SGPP1: variants seen among roughly 807,000 people sequenced by gnomAD.
SGPP1 encodes the protein hSPP1.
Under a neutral mutation model 33.0 loss-of-function variants are expected in SGPP1, and 21 were observed. The ratio of observed to expected loss-of-function variants is 0.64; its 90% CI spans 0.45 to 0.92. SGPP1 has a LOEUF of 0.92. Ranked by LOEUF, SGPP1 falls within the 40% of genes least tolerant of loss-of-function variation. The pLI, the probability that SGPP1 is intolerant of heterozygous loss-of-function variation, is 0.00. For synonymous variants in SGPP1, 239 were observed against 241.2 expected (o/e 0.99, Z 0.08); for missense variants, 543 against 589.4 (o/e 0.92, Z 0.81).
chr14:63,699,020 C>T (rs1241302841), intron 1 of SGPP1, among the ~76,000 whole-genome samples: 2 of 152,122 alleles, frequency 1.3e-5, no homozygotes, highest in Non-Finnish European at 2.9e-5. Flanking sequence ...TGGAATAGTA[C>T]CTGAATCTGG....
At chr14:63,688,751 T>A (rs2139624989) in intron 2 of SGPP1, among the ~76,000 whole-genome samples, 1 of 149,370 alleles carries the variant, frequency 6.7e-6, no homozygotes, top group South Asian at 2.1e-4. Flanking sequence ...AGATGGAGTC[T>A]CGCTCTGTTG....
At chr14:63,695,795 T>C (rs1287123868) in intron 2 of SGPP1, among the ~76,000 whole-genome samples, 2 of 152,094 alleles carry the variant, frequency 1.3e-5, no homozygotes, top group Non-Finnish European at 2.9e-5. Flanking sequence ...TTTGTAGTCC[T>C]AGACACCCGG....
At chr14:63,702,033 A>C (rs1453937032) in intron 1 of SGPP1, among the ~76,000 whole-genome samples, 1 of 152,158 alleles carries the variant, frequency 6.6e-6, no homozygotes, top group African/African-American at 2.4e-5. Context: ...AGAAATGTAC[A>C]AAATTACTGA....
chr14:63,701,548 G>A (rs773442354), intron 1 of SGPP1, among the ~76,000 whole-genome samples: 23 of 152,018 alleles, frequency 1.5e-4, no homozygotes, highest in Non-Finnish European at 2.6e-4. Flanking sequence ...CTAGGCAGGC[G>A]AATCAGTGAG....
intron 1 of SGPP1, among the ~76,000 whole-genome samples, chr14:63,720,754 A>T (rs1216655684): frequency 1.3e-5 from 2 of 151,726 alleles, no homozygotes; most frequent in African/African-American, 4.8e-5. Flanking sequence ...AACAAGAGCA[A>T]AACTCCGTCT....
intron 2 of SGPP1, among the ~76,000 whole-genome samples, chr14:63,694,493 A>C (rs1016395029): frequency 6.6e-6 from 1 of 152,154 alleles, no homozygotes; most frequent in Admixed American, 6.5e-5. Context: ...AAAAAAACAA[A>C]ACAAAACTTA....
At position 63,684,249 on chromosome 14, in the gene SGPP1, C is replaced by T. The variant is rs1019461036; in HGVS notation, c.*1856G>A. 6.6e-6 allele frequency: 1 copy of T among 152,064 alleles called. No homozygotes were observed. Among genetic ancestry groups the T allele is most frequent in the African/African-American group, 2.4e-5 (1 of 41,436 alleles). 9.4% of individuals were successfully genotyped at this position (152,064 alleles called of 1,614,324 possible). ...TCAATTTGGCTTTTATTTTAAAATA[C>T]ATTTAGCATAGAACTGTCATAGGAC... On this transcript the variant is annotated 3_prime_UTR_variant, in exon 3 of 3. Coordinates refer to ENST00000247225, the MANE Select transcript of SGPP1 (RefSeq NM_030791.4).
At chr14:63,719,212 A>G (rs1885718329) in intron 1 of SGPP1, among the ~76,000 whole-genome samples, 1 of 150,144 alleles carries the variant, frequency 6.7e-6, no homozygotes. Flanking sequence ...TTTTTAGTAG[A>G]GACAGGGCTT....
At chr14:63,721,387 T>A (rs979550391) in intron 1 of SGPP1, among the ~76,000 whole-genome samples, 1 of 151,602 alleles carries the variant, frequency 6.6e-6, no homozygotes, top group Non-Finnish European at 1.5e-5. Context: ...GAGGTTGTAG[T>A]GAGCCACGAT....
chr14:63,695,575 C>A (rs774712461), intron 2 of SGPP1, among the ~76,000 whole-genome samples: 1 of 152,042 alleles, frequency 6.6e-6, no homozygotes, highest in Non-Finnish European at 1.5e-5. Flanking sequence ...TATAGATAAA[C>A]AATAACAAAC....
intron 1 of SGPP1, among the ~76,000 whole-genome samples, chr14:63,701,857 G>A (rs1885305324): frequency 6.8e-6 from 1 of 146,872 alleles, no homozygotes; most frequent in African/African-American, 2.6e-5. Flanking sequence ...CTACAGCAGG[G>A]ACTTGACCTT....
chr14:63,727,858 C>A lies in SGPP1; in HGVS notation c.87G>T (p.Val29=). Residue 29 remains valine (V), a synonymous_variant, in exon 1 of 3, where the codon GTG becomes GTT. Coordinates refer to ENST00000247225, the MANE Select transcript of SGPP1 (RefSeq NM_030791.4). ...CTGCTGAGCGGCGCGGCGGCGCTTC[C>A]ACCCCGCACAGCCGCTGGAAACGGG... ...KVARFQRLCG[V]EAPPRRSADR... is the part of the protein sequence containing the mutation. 3 of 1,520,328 alleles carry A rather than the reference C, an allele frequency of 2.0e-6. No individual in the cohort carries two copies. The highest frequency in any genetic ancestry group is 1.2e-5 in the South Asian group (1 of 83,200). 94.2% of individuals were successfully genotyped at this position (1,520,328 alleles called of 1,614,324 possible).
At chr14:63,708,341 C>T (rs1018599744) in intron 1 of SGPP1, among the ~76,000 whole-genome samples, 8 of 150,288 alleles carry the variant, frequency 5.3e-5, no homozygotes, top group South Asian at 4.2e-4. Flanking sequence ...CTGCAACCTC[C>T]GCCTCCTGGG....
intron 2 of SGPP1, among the ~76,000 whole-genome samples, chr14:63,688,019 G>A (rs1452796314): frequency 6.6e-6 from 1 of 152,118 alleles, no homozygotes; most frequent in African/African-American, 2.4e-5. Flanking sequence ...CAACTACTTG[G>A]GAGGCTGAGA....
At chr14:63,726,963 A>T (rs1157455149) in intron 1 of SGPP1, among the ~76,000 whole-genome samples, 1 of 152,246 alleles carries the variant, frequency 6.6e-6, no homozygotes, top group Non-Finnish European at 1.5e-5. Flanking sequence ...AAAGCCGTTT[A>T]AAAAACTCAA....
rs960040686 is a variant in SGPP1 at position 63,722,402 on chromosome 14, G to A, written c.684+4859C>T. Among the ~76,000 whole-genome samples, 9 of 150,362 alleles carry A rather than the reference G, an allele frequency of 6.0e-5. No homozygotes were observed. The East Asian group carries it at 7.8e-4, about 13-fold the overall frequency. On this transcript the variant is annotated intron_variant, in intron 1 of 2. Transcript: ENST00000247225. ...AAAAATTAGCCGGGCGTGGTGGGGC[G>A]TGCCTGTAATCCCAGCTACTCAGGA...
At chr14:63,698,785 T>C (rs1246476336) in intron 1 of SGPP1, 127 bp from the exon 2 acceptor site, 3 of 466,442 alleles carry the variant, frequency 6.4e-6, no homozygotes, top group Admixed American at 4.3e-5. Context: ...TTACTCCCCA[T>C]TGTATTTCCA....
intron 1 of SGPP1, among the ~76,000 whole-genome samples, chr14:63,699,342 G>A (rs369313226): frequency 2.0e-5 from 3 of 152,120 alleles, no homozygotes; most frequent in East Asian, 1.9e-4. Context: ...TGAGATTGGA[G>A]GGAAAGAGGA....
At chr14:63,705,622 C>T (rs1490360103) in intron 1 of SGPP1, among the ~76,000 whole-genome samples, 1 of 152,024 alleles carries the variant, frequency 6.6e-6, no homozygotes, top group Non-Finnish European at 1.5e-5. Flanking sequence ...GAGCCAAGAT[C>T]ATGCCATTGC....
Sources: allele counts gnomAD v4.1 joint callset (sites outside exome capture counted in the v4.1 genomes callset), GRCh38; gene constraint gnomAD v4.1.1; transcripts MANE v1.5; gene names NCBI Gene and HGNC (gene_info 2026-07-23, HGNC 2026-07-21).